Variants in BTAF1 observed in about 807,000 individuals in gnomAD.
BTAF1 encodes the protein TATA-binding protein-associated factor 172.
Under a neutral mutation model 227.1 loss-of-function variants are expected in BTAF1, and 38 were observed. The observed-to-expected ratio is 0.17, with a 90% CI of 0.13 to 0.22. The LOEUF is 0.22. BTAF1 is among the 10% of genes least tolerant of loss of function. BTAF1 has a pLI of 1.00. For missense variants in BTAF1, 1,598 were observed against 2,204.0 expected (o/e 0.73, Z 5.51); for synonymous variants, 742 against 751.9 (o/e 0.99, Z 0.21).
At chr10:91,998,050 C>T (rs1243712368) in intron 25 of BTAF1, among the ~76,000 whole-genome samples, 1 of 151,100 alleles carries the variant, frequency 6.6e-6, no homozygotes. Flanking sequence ...TTGTTGGAAC[C>T]TGGAGGCAGA....
chr10:91,966,498 T>C lies in BTAF1; in HGVS notation c.1530-139T>C, dbSNP rs536492905. The C allele has an allele frequency of 8.5e-6, 7 of 820,004 alleles. No homozygotes were observed. The South Asian group carries it at 1.3e-4, about 15-fold the overall frequency. 50.8% of individuals were successfully genotyped at this position (820,004 alleles called of 1,614,324 possible). ...GTTACATGAATGTTCATATGAAAAC[T>C]GTATTATCTTTTAAGAATTTATTCA... is the stretch of plus-strand genomic sequence containing the variant. On this transcript the variant is annotated intron_variant, in intron 13 of 37. Coordinates refer to ENST00000265990, the MANE Select transcript of BTAF1 (RefSeq NM_003972.3).
Position 91,959,966 on chromosome 10 carries a change from T to G in BTAF1, c.1087-12T>G. The stretch of plus-strand genomic sequence containing the variant: ...TTTGCAAATATGAGTTTTCTTCCTT[T>G]TTCGTCTGTAGGTTGTGGCACCAGT... On this transcript the variant is annotated splice_polypyrimidine_tract_variant and intron_variant, in intron 10 of 37. Coordinates refer to ENST00000265990, the MANE Select transcript of BTAF1 (RefSeq NM_003972.3). The G allele has an allele frequency of 6.2e-6, 10 of 1,602,336 alleles. No individual in the cohort carries two copies. Among genetic ancestry groups the G allele is most frequent in the Non-Finnish European group, 8.5e-6 (10 of 1,175,362 alleles).
intron 17 of BTAF1, 145 bp downstream of exon 17, chr10:91,982,370 T>A: frequency 8.7e-7 from 1 of 1,146,468 alleles, no homozygotes; most frequent in Non-Finnish European, 1.2e-6. Flanking sequence ...AAAATTAGAG[T>A]AAGCAAATAC....
In BTAF1 at chr10:91,981,637, C is replaced by T; in HGVS notation, c.1756-6C>T. ...TTCACTTTCATGTCCCCCTTTTACC[C>T]TGCAGGTTTGGATGGAACTGTTGAG... is the stretch of plus-strand genomic sequence containing the variant. On this transcript the variant is annotated splice_region_variant and splice_polypyrimidine_tract_variant and intron_variant, in intron 15 of 37. Coordinates refer to ENST00000265990, the MANE Select transcript of BTAF1 (RefSeq NM_003972.3). The T allele has an allele frequency of 1.3e-6, 2 of 1,585,612 alleles. No individual in the cohort carries two copies. The highest frequency in any genetic ancestry group is 1.9e-5 in the Admixed American group (1 of 53,102).
intron 33 of BTAF1, 47 bp from the exon 34 acceptor site, chr10:92,018,736 G>T: frequency 2.2e-6 from 3 of 1,361,652 alleles, no homozygotes; most frequent in Non-Finnish European, 2.9e-6. Context: ...AAAAATATTT[G>T]TGATATGCGA....
At chr10:92,013,147 G>A (rs1460060111) in intron 30 of BTAF1, among the ~76,000 whole-genome samples, 9 of 152,236 alleles carry the variant, frequency 5.9e-5, no homozygotes, top group South Asian at 4.2e-4. Flanking sequence ...TCAGGAAAGC[G>A]TCTGAAATGA....
intron 13 of BTAF1, among the ~76,000 whole-genome samples, chr10:91,965,008 A>G (rs527935081): frequency 2.0e-5 from 3 of 152,298 alleles, no homozygotes; most frequent in South Asian, 4.1e-4. Context: ...AGTATTTCCC[A>G]TGAAACCCAT....
rs1273229470 is a variant in BTAF1, at chr10:91,959,758, A to G, written c.991-27A>G. The G allele has an allele frequency of 1.8e-5, 10 of 559,604 alleles. 1 individual carries two copies. Among genetic ancestry groups the G allele is most frequent in the East Asian group, 8.9e-5 (2 of 22,448 alleles). The allele number at this position is 559,604 out of a possible 1,614,324, so 34.7% of individuals were successfully genotyped here. A position where few individuals can be genotyped will look rare whatever the true frequency, so the allele number is the denominator to read the frequency against. ...TGTGTGTGTATATATATATATATAT[A>G]TATATATATATATTATATTTTAACA... On this transcript the variant is annotated intron_variant, in intron 9 of 37. Transcript: ENST00000265990.
At chr10:91,958,151 C>T (rs755364676) in intron 8 of BTAF1, among the ~76,000 whole-genome samples, 6 of 152,160 alleles carry the variant, frequency 3.9e-5, no homozygotes, top group East Asian at 2.0e-4. Flanking sequence ...CAGGTTCAGG[C>T]GATTCTCCTG....
In BTAF1 at chr10:91,994,498, T is replaced by C. The variant is rs146616664; in HGVS notation, c.3200-37T>C. The C allele has an allele frequency of 1.2e-4, 186 of 1,501,460 alleles. No individual in the cohort carries two copies. In the African/African-American group the frequency reaches 1.7e-3, roughly 14 times the overall value. 93.0% of individuals were successfully genotyped at this position (1,501,460 alleles called of 1,614,324 possible). A position where few individuals can be genotyped will look rare whatever the true frequency, so the allele number is the denominator to read the frequency against. ...TTTGTGTGCTCTAGATTTTGAAAAATTATTTGCCAGATAATACAGACAATA... is the reference window on the plus strand; with the variant it reads ...TTTGTGTGCTCTAGATTTTGAAAAACTATTTGCCAGATAATACAGACAATA... On this transcript the variant is annotated intron_variant, in intron 22 of 37. Coordinates refer to ENST00000265990, the MANE Select transcript of BTAF1 (RefSeq NM_003972.3).
At chr10:91,989,609 G>C (rs182791554) in intron 20 of BTAF1, 29 bp downstream of exon 20, 4 of 1,534,232 alleles carry the variant, frequency 2.6e-6, no homozygotes, top group East Asian at 2.3e-5. Context: ...ATTTGGGGTA[G>C]AGAAATAACC....
intron 1 of BTAF1, among the ~76,000 whole-genome samples, chr10:91,927,526 A>G (rs532897093): frequency 1.3e-5 from 2 of 152,082 alleles, no homozygotes; most frequent in Non-Finnish European, 2.9e-5. Flanking sequence ...TTGTTCTCTT[A>G]CTTGCTGGAT....
intron 11 of BTAF1, among the ~76,000 whole-genome samples, chr10:91,960,619 A>G (rs1238474743): frequency 1.3e-5 from 2 of 151,688 alleles, no homozygotes; most frequent in Non-Finnish European, 2.9e-5. Flanking sequence ...TTTATGACAA[A>G]GCTTAGAAGA....
intron 1 of BTAF1, among the ~76,000 whole-genome samples, chr10:91,927,202 G>A (rs999111423): frequency 2.0e-5 from 3 of 150,808 alleles, no homozygotes; most frequent in Non-Finnish European, 4.4e-5. Context: ...GCAATGGTGC[G>A]TTCTTGACTC....
chr10:91,984,725 C>T (rs1276055359), intron 19 of BTAF1, among the ~76,000 whole-genome samples: 6 of 152,090 alleles, frequency 3.9e-5, no homozygotes, highest in African/African-American at 9.7e-5. Flanking sequence ...TTCCTGAGTA[C>T]TTCTTCCTGC....
intron 21 of BTAF1, 77 bp from the exon 22 acceptor site, chr10:91,993,617 T>G: frequency 2.6e-6 from 3 of 1,161,060 alleles, no homozygotes; most frequent in Non-Finnish European, 3.4e-6. Context: ...TGGTGACTTT[T>G]AAATTCTTTT....
intron 1 of BTAF1, among the ~76,000 whole-genome samples, chr10:91,931,707 G>A (rs941279435): frequency 6.6e-6 from 1 of 152,050 alleles, no homozygotes; most frequent in Non-Finnish European, 1.5e-5. Context: ...CCGTGGCCTG[G>A]CCCTGATGCT....
intron 5 of BTAF1, 75 bp from the exon 6 acceptor site, chr10:91,953,662 T>G (rs1589797044): frequency 5.3e-6 from 8 of 1,508,356 alleles, no homozygotes; most frequent in East Asian, 2.3e-5. Flanking sequence ...AGACTTGGTC[T>G]TCTTCTGAGG....
At chr10:91,977,497 TC>T (rs1266756316) in intron 14 of BTAF1, among the ~76,000 whole-genome samples, 1 of 152,178 alleles carries the variant, frequency 6.6e-6, no homozygotes, top group East Asian at 1.9e-4. Context: ...ACCGAAGACA[TC>T]TTGCCTGCTT....
Sources: allele counts gnomAD v4.1 joint callset (sites outside exome capture counted in the v4.1 genomes callset), GRCh38; gene constraint gnomAD v4.1.1; transcripts MANE v1.5; gene names NCBI Gene and HGNC (gene_info 2026-07-23, HGNC 2026-07-21).